PDXDC1: variants seen among roughly 807,000 people sequenced by gnomAD.
PDXDC1 encodes pyridoxal-dependent decarboxylase domain-containing protein 1.
In PDXDC1, 42 loss-of-function variants were observed where a neutral mutation model predicts 100.1. The ratio of observed to expected loss-of-function variants is 0.42; its 90% confidence interval spans 0.33 to 0.54. PDXDC1 has a LOEUF of 0.54. PDXDC1 is among the 20% of genes least tolerant of loss of function. PDXDC1 has a pLI of 0.10. For synonymous variants in PDXDC1, 260 were observed against 371.7 expected, an observed-to-expected ratio of 0.70 and a Z score of 3.46; for missense variants, 636 against 979.2, an observed-to-expected ratio of 0.65 and a Z score of 4.68.
downstream of PDXDC1, among the ~76,000 whole-genome samples, chr16:15,042,117 A>G (rs2043842435): frequency 1.3e-5 from 2 of 152,302 alleles, no homozygotes; most frequent in South Asian, 4.1e-4. Context: ...AACACTGTTA[A>G]TAATTAGTGT....
chr16:15,043,001 A>G (rs1168334857), downstream of PDXDC1, among the ~76,000 whole-genome samples: 3 of 151,918 alleles, frequency 2.0e-5, no homozygotes, highest in Non-Finnish European at 2.9e-5. Context: ...CCCGGGTTCA[A>G]GCGGTTCTCC....
In PDXDC1 at chr16:15,006,562, G is replaced by C; in HGVS notation, c.558G>C (p.Leu186=). ...IYLSAAARPG[L]GQYLCNQLGL... ...TTAGTGCTGCTGCTAGACCTGGCCT[G>C]GGCCAATACCTTTGTAATCAGGTAA... The change falls in exon 6 of 23, where the codon CTG becomes CTC. Residue 186 remains leucine, a synonymous_variant. Coordinates refer to ENST00000396410, the MANE Select transcript of PDXDC1 (RefSeq NM_015027.4). 1 of 1,579,774 alleles carries C rather than the reference G, an allele frequency of 6.3e-7. No individual in the cohort carries two copies. The highest frequency in any genetic ancestry group is 1.1e-5 in the South Asian group (1 of 87,370).
At position 15,038,004 on chromosome 16, in the gene PDXDC1, G is replaced by A. The variant is rs774470524; in HGVS notation, c.*1729G>A. ...CACCAATGGTCTGTCAGGCCAAGAA[G>A]GTGCTTTCTTTGGTAATTCATGTTT... On this transcript the variant is annotated 3_prime_UTR_variant, in exon 23 of 23. Coordinates refer to ENST00000396410, the MANE Select transcript of PDXDC1 (RefSeq NM_015027.4). 1.9e-6 allele frequency: 3 copies of A among 1,579,084 alleles called. No homozygotes were observed. The Admixed American group carries it at 5.1e-5, about 27-fold the overall frequency.
At chr16:15,140,175 T>C (rs1484997690), downstream of PDXDC1, among the ~76,000 whole-genome samples, 1 of 133,356 alleles carries the variant, frequency 7.5e-6, no homozygotes, top group Non-Finnish European at 1.6e-5. Context: ...CCGGGTGCAA[T>C]GGCTCCTGCC....
the PDXDC1 span, among the ~76,000 whole-genome samples, chr16:15,146,016 G>A: frequency 1.6e-4 from 25 of 152,332 alleles, no homozygotes; most frequent in Non-Finnish European, 2.9e-4. Flanking sequence ...ACCCCAAGGT[G>A]GGGGAGCGAG....
At chr16:15,065,944 G>A (rs1353007490) in intron 16 of PDXDC1, among the ~76,000 whole-genome samples, 9 of 152,230 alleles carry the variant, frequency 5.9e-5, no homozygotes, top group African/African-American at 2.2e-4. Flanking sequence ...ACAGTTAAAT[G>A]CATAGAAGAA....
intron 16 of PDXDC1, chr16:15,127,993 C>G (rs757102365): frequency 3.1e-6 from 5 of 1,591,122 alleles, no homozygotes; most frequent in Admixed American, 3.4e-5. Context: ...AGGCCTTACT[C>G]GCGGCCAGCA....
At chr16:15,081,870 T>C (rs1437395563) in intron 16 of PDXDC1, among the ~76,000 whole-genome samples, 1 of 152,238 alleles carries the variant, frequency 6.6e-6, no homozygotes, top group African/African-American at 2.4e-5. Flanking sequence ...TTCTTTTGCA[T>C]GTTCATATCC....
At chr16:15,149,449 C>A in the PDXDC1 span, among the ~76,000 whole-genome samples, 1 of 152,224 alleles carries the variant, frequency 6.6e-6, no homozygotes, top group Non-Finnish European at 1.5e-5. Context: ...GAGCCAGGGG[C>A]CCCTCCGTGG....
rs1000220188 is a variant in PDXDC1 at position 15,036,096 on chromosome 16, G to C, written c.2188G>C (p.Glu730Gln). ...TSSVSHIEDL[E>Q]KVERLSSGPE... ...CTCAGTCAGTCACATTGAAGACTTA[G>C]AAAAGGTGGAGCGCCTATCCAGTGG... The change falls in exon 23 of 23, where the codon GAA (glutamate) becomes CAA (glutamine). Residue 730 changes from glutamate (E) to glutamine (Q), a missense_variant. Around this residue, in one of 4 missense-constraint regions of PDXDC1, gnomAD observed 452 missense variants for 402.9 expected, o/e 1.12. Transcript: ENST00000396410. The C allele has an allele frequency of 2.5e-6, 4 of 1,613,966 alleles. No individual in the cohort carries two copies. The African/African-American group carries it at 5.3e-5, about 22-fold the overall frequency.
chr16:15,090,981 T>A (rs1168787316), intron 16 of PDXDC1, among the ~76,000 whole-genome samples: 1 of 148,714 alleles, frequency 6.7e-6, no homozygotes, highest in East Asian at 2.0e-4. Flanking sequence ...TAGAGCAGGG[T>A]TTCCCAGCCT....
In PDXDC1 at chr16:15,036,385, T is replaced by C; in HGVS notation, c.*110T>C. 8.9e-7 allele frequency: 1 copy of C among 1,127,956 alleles called. No individual in the cohort carries two copies. Among genetic ancestry groups the C allele is most frequent in the Non-Finnish European group, 1.3e-6 (1 of 786,994 alleles). The allele number at this position is 1,127,956 out of a possible 1,614,324, so 69.9% of individuals were successfully genotyped here. A position where few individuals can be genotyped will look rare whatever the true frequency, so the allele number is the denominator to read the frequency against. ...TAATATAAATTACTGTTGTTTGTGC[T>C]TCACTGGGATTTTGGCACAAATATG... On this transcript the variant is annotated 3_prime_UTR_variant, in exon 23 of 23. Coordinates refer to ENST00000396410, the MANE Select transcript of PDXDC1 (RefSeq NM_015027.4).
chr16:15,065,413 C>A lies in PDXDC1; in HGVS notation c.1399+35357C>A, dbSNP rs143358246. 4 of 1,585,054 alleles carry A rather than the reference C, an allele frequency of 2.5e-6. No individual in the cohort carries two copies. In the South Asian group the frequency reaches 3.4e-5, roughly 13 times the overall value. ...CAACACAGACAGAGGCATTAACATG[C>A]TGGAGTGACTCGGTGCAGATGTGAG... On this transcript the variant is annotated intron_variant, in intron 16 of 16. Transcript: ENST00000535621.
chr16:14,979,862 A>G (rs1184167210), intron 1 of PDXDC1, among the ~76,000 whole-genome samples: 1 of 152,280 alleles, frequency 6.6e-6, no homozygotes, highest in Non-Finnish European at 1.5e-5. Flanking sequence ...AAAAAGCATG[A>G]GAAAAGAACC....
At chr16:15,074,154 T>C (rs1190411393) in intron 16 of PDXDC1, among the ~76,000 whole-genome samples, 2 of 152,208 alleles carry the variant, frequency 1.3e-5, no homozygotes, top group Non-Finnish European at 2.9e-5. Flanking sequence ...CTAATCAACA[T>C]GTATTATTTT....
chr16:15,146,136 G>C, the PDXDC1 span, among the ~76,000 whole-genome samples: 7 of 152,198 alleles, frequency 4.6e-5, no homozygotes, highest in African/African-American at 1.7e-4. Context: ...GGTGGCCAGC[G>C]CATCACCCAC....
At chr16:15,149,890 G>T in the PDXDC1 span, among the ~76,000 whole-genome samples, 1 of 152,006 alleles carries the variant, frequency 6.6e-6, no homozygotes. Flanking sequence ...CGGCTCCAAC[G>T]ACCAATTTAC....
chr16:15,092,348 T>A (rs1479452126), intron 16 of PDXDC1, among the ~76,000 whole-genome samples: 1 of 152,182 alleles, frequency 6.6e-6, no homozygotes, highest in Non-Finnish European at 1.5e-5. Flanking sequence ...AAAAGGACAC[T>A]ATTACTCTAA....
At chr16:15,101,181 C>G (rs2046532468) in intron 16 of PDXDC1, among the ~76,000 whole-genome samples, 2 of 152,126 alleles carry the variant, frequency 1.3e-5, no homozygotes, top group Non-Finnish European at 2.9e-5. Context: ...CAGGACAGGG[C>G]AGGTTCTCCG....
Sources: allele counts gnomAD v4.1 joint callset (sites outside exome capture counted in the v4.1 genomes callset), GRCh38; gene constraint gnomAD v4.1.1; regional missense constraint gnomAD v4.1.1; transcripts MANE v1.5; gene names NCBI Gene and HGNC (gene_info 2026-07-23, HGNC 2026-07-21).